The following RHCE variants were observed in gnomAD, a reference collection of about 807,000 sequenced individuals.
The protein encoded by RHCE is Rh blood group CcEe antigens.
A neutral mutation model predicts 43.8 loss-of-function variants in RHCE; 22 were observed. The ratio of observed to expected loss-of-function variants is 0.50; its 90% confidence interval spans 0.36 to 0.72. The LOEUF (loss-of-function observed/expected upper bound fraction) is 0.72, where lower values mean the gene tolerates loss of function less well. RHCE is among the 30% of genes least tolerant of loss of function. The pLI is 0.00. For synonymous variants in RHCE, 156 were observed against 210.7 expected, an observed-to-expected ratio of 0.74 and a Z score of 2.25; for missense variants, 385 against 525.4, an observed-to-expected ratio of 0.73 and a Z score of 2.61.
At chr1:25,394,626 G>A (rs927206143) in intron 3 of RHCE, among the ~76,000 whole-genome samples, 4 of 152,076 alleles carry the variant, frequency 2.6e-5, no homozygotes, top group African/African-American at 4.8e-5. Flanking sequence ...GATGTTCCAC[G>A]AGAGTTGTAT....
chr1:25,390,069 G>C (rs1216362268), intron 5 of RHCE, among the ~76,000 whole-genome samples: 2 of 149,814 alleles, frequency 1.3e-5, no homozygotes, highest in African/African-American at 2.5e-5. Flanking sequence ...CCCCACCACT[G>C]GTCTGTCCAG....
chr1:25,375,998 C>T lies in RHCE; in HGVS notation c.1074-570G>A, dbSNP rs185893375. 3.9e-3 allele frequency among the ~76,000 whole-genome samples: 600 copies of T among 152,050 alleles called. 3 individuals carry two copies. Among genetic ancestry groups the T allele is most frequent in the African/African-American group, 0.013 (541 of 41,384 alleles). On this transcript the variant is annotated intron_variant, in intron 7 of 9. Coordinates refer to ENST00000294413, the MANE Select transcript of RHCE (RefSeq NM_020485.8). ...TAGAGACGGGGTTTCACCATGTTGA[C>T]CAGGCTGAACTCGAACTCCTGACCT...
At chr1:25,379,152 T>C (rs1276472639) in intron 7 of RHCE, among the ~76,000 whole-genome samples, 1 of 151,998 alleles carries the variant, frequency 6.6e-6, no homozygotes, top group East Asian at 1.9e-4. Context: ...TTGAGGACCT[T>C]CTTGCTGTGC....
At chr1:25,394,150 G>A (rs1449952161) in intron 3 of RHCE, among the ~76,000 whole-genome samples, 2 of 152,070 alleles carry the variant, frequency 1.3e-5, no homozygotes, top group East Asian at 3.9e-4. Flanking sequence ...CACTGTGCCC[G>A]GCTAATTTTT....
chr1:25,396,789 G>A (rs1646553954), intron 3 of RHCE, among the ~76,000 whole-genome samples: 2 of 152,118 alleles, frequency 1.3e-5, no homozygotes, highest in African/African-American at 4.8e-5. Context: ...AGATGAGATT[G>A]GAGGGGGATA....
At position 25,425,925 on chromosome 1, in the gene RHCE, T is replaced by C. The variant is rs552566112; in HGVS notation, c.-40+3028A>G. The stretch of plus-strand genomic sequence containing the variant: ...AAAGTGCAGCTAAGTCAGTCGTTCA[T>C]TGATTTAACACACATGAGCTTTGGA... On this transcript the variant is annotated intron_variant, in intron 2 of 11. Transcript: ENST00000349320. Among the ~76,000 whole-genome samples the C allele has an allele frequency of 1.8e-3, 268 of 152,318 alleles. 1 individual carries two copies. The highest frequency in any genetic ancestry group is 3.1e-3 in the Non-Finnish European group (209 of 68,024).
intron 8 of RHCE, among the ~76,000 whole-genome samples, chr1:25,373,911 C>G (rs1645694608): frequency 6.6e-6 from 1 of 151,198 alleles, no homozygotes; most frequent in Non-Finnish European, 1.5e-5. Context: ...ACCTCCACCT[C>G]CTGGGGTCAA....
intron 1 of RHCE, among the ~76,000 whole-genome samples, chr1:25,416,792 G>GTT (rs576244724): frequency 1.1e-4 from 11 of 99,594 alleles, no homozygotes; most frequent in Admixed American, 4.2e-4. Flanking sequence ...AAATTTTACA[G>GTT]TTTTTTTTTT....
intron 3 of RHCE, among the ~76,000 whole-genome samples, chr1:25,394,104 T>G (rs1348672833): frequency 6.6e-6 from 1 of 152,196 alleles, no homozygotes; most frequent in African/African-American, 2.4e-5. Flanking sequence ...TTCTCCTGCT[T>G]CAGCCTCCCA....
chr1:25,384,065 C>A (rs541218095), intron 7 of RHCE, among the ~76,000 whole-genome samples: 52 of 150,862 alleles, frequency 3.4e-4, no homozygotes, highest in Non-Finnish European at 5.6e-4. Flanking sequence ...TAGGTCCCAC[C>A]CCCAGATTTC....
At position 25,390,932 on chromosome 1, in the gene RHCE, G is replaced by T. The variant is rs756329178; in HGVS notation, c.635-17C>A. The T allele has an allele frequency of 6.2e-7, 1 of 1,614,032 alleles. No homozygotes were observed. The highest frequency in any genetic ancestry group is 1.7e-5 in the Admixed American group (1 of 60,010). On this transcript the variant is annotated splice_polypyrimidine_tract_variant and intron_variant, in intron 4 of 9. Coordinates refer to ENST00000294413, the MANE Select transcript of RHCE (RefSeq NM_020485.8). ...AGAGGGCGCCTGGGGGCCAGAGAGGGTGGTTGGCCAGAATCACACTCCTGC... is the reference window on the plus strand; with the variant it reads ...AGAGGGCGCCTGGGGGCCAGAGAGGTTGGTTGGCCAGAATCACACTCCTGC...
rs768585920 is a variant in RHCE at position 25,392,145 on chromosome 1, C to T, written c.487-4G>A. 9.3e-6 allele frequency: 15 copies of T among 1,614,004 alleles called. No individual in the cohort carries two copies. Among genetic ancestry groups the T allele is most frequent in the Non-Finnish European group, 2.5e-6 (3 of 1,180,004 alleles). ...TCAGGTTCATGTGGTAGTCTGTCTG[C>T]AATAAAACCCAGTAAGAGCAGTGAG... On this transcript the variant is annotated splice_region_variant and splice_polypyrimidine_tract_variant and intron_variant, in intron 3 of 9. Transcript: ENST00000294413.
intron 1 of RHCE, among the ~76,000 whole-genome samples, chr1:25,413,790 G>A (rs538422115): frequency 6.0e-4 from 92 of 152,270 alleles, no homozygotes; most frequent in African/African-American, 2.1e-3. Flanking sequence ...GGCACAGAGA[G>A]GTGCTATAAC....
At chr1:25,384,007 T>C (rs1252609985) in intron 7 of RHCE, among the ~76,000 whole-genome samples, 2 of 151,826 alleles carry the variant, frequency 1.3e-5, no homozygotes, top group Non-Finnish European at 2.9e-5. Context: ...GTTCTAAAAC[T>C]TGAGCTTGCA....
At chr1:25,385,369 G>A (rs1646121476) in intron 7 of RHCE, 1 of 394,742 alleles carries the variant, frequency 2.5e-6, no homozygotes, top group Non-Finnish European at 4.9e-6. Context: ...CGCAGTGGGA[G>A]CACGTCCACA....
intron 1 of RHCE, among the ~76,000 whole-genome samples, chr1:25,412,219 GCT>G (rs1368686972): frequency 2.0e-5 from 3 of 152,220 alleles, no homozygotes; most frequent in Non-Finnish European, 4.4e-5. Flanking sequence ...GCTGTCTCTA[GCT>G]CTTTCTTCTC....
chr1:25,422,704 T>C (rs568787554), upstream of RHCE, among the ~76,000 whole-genome samples: 86 of 152,258 alleles, frequency 5.6e-4, no homozygotes, highest in African/African-American at 1.9e-3. Context: ...CACTTAACTG[T>C]AGCCTAGATC....
chr1:25,424,535 G>A (rs1041503607), upstream of RHCE, among the ~76,000 whole-genome samples: 4 of 151,946 alleles, frequency 2.6e-5, no homozygotes, highest in African/African-American at 9.7e-5. Flanking sequence ...TTATAGGCAC[G>A]CGATACCACA....
At position 25,369,461 on chromosome 1, in the gene RHCE, C is replaced by T. The variant is rs138102535; in HGVS notation, c.1227+1006G>A. Among the ~76,000 whole-genome samples, 498 of 151,694 alleles carry T rather than the reference C, an allele frequency of 3.3e-3. 1 individual carries two copies. The highest frequency in any genetic ancestry group is 5.9e-3 in the Non-Finnish European group (403 of 68,006). On this transcript the variant is annotated intron_variant, in intron 9 of 9. Transcript: ENST00000294413. ...CCTAAGGGGACACATCAGAGTGCTG[C>T]GTGAACTATGAGTGTAGGTCAAAGG...
Sources: gnomAD v4.1 joint callset for allele counts (sites outside exome capture counted in the v4.1 genomes callset) on GRCh38, gnomAD v4.1.1 for gene constraint, MANE v1.5 for transcripts, NCBI Gene and HGNC (gene_info 2026-07-23, HGNC 2026-07-21) for gene names.